The following BABAM2 variants were observed in gnomAD, a reference collection of about 807,000 sequenced individuals.
BABAM2 encodes the protein BRISC and BRCA1 A complex member 2, also known as BRISC and BRCA1-A complex member 2.
A neutral mutation model predicts 54.7 loss-of-function variants in BABAM2; 31 were observed. The ratio of observed to expected loss-of-function variants is 0.57; its 90% CI spans 0.43 to 0.77. The LOEUF is 0.77. Among genes scored for constraint, BABAM2 ranks in the 30% least tolerant of loss-of-function variants. The probability of loss-of-function intolerance (pLI) is 0.00; values close to 1 mark genes in which losing one functional copy is unlikely to be tolerated. For missense variants in BABAM2, 364 were observed against 455.8 expected, an observed-to-expected ratio of 0.80 and a Z score of 1.83; for synonymous variants, 167 against 162.9, an observed-to-expected ratio of 1.03 and a Z score of -0.19.
At chr2:28,125,632 T>C (rs1573631884) in intron 6 of BABAM2, among the ~76,000 whole-genome samples, 1 of 152,222 alleles carries the variant, frequency 6.6e-6, no homozygotes, top group South Asian at 2.1e-4. Context: ...CAAATTCTTT[T>C]GAAATGTAAA....
At chr2:28,255,150 G>GT (rs147889917) in intron 10 of BABAM2, among the ~76,000 whole-genome samples, 11,509 of 151,972 alleles carry the variant, frequency 0.076, 525 homozygotes, top group Middle Eastern at 0.099. Context: ...TCAAACGTGG[G>GT]TTTTTTTTAG....
chr2:27,904,718 T>C (rs1010717814), intron 2 of BABAM2, among the ~76,000 whole-genome samples: 2 of 152,196 alleles, frequency 1.3e-5, no homozygotes, highest in Non-Finnish European at 2.9e-5. Flanking sequence ...TTCATGAAAC[T>C]ATGACAATAT....
At chr2:27,897,522 C>G (rs1665430142) in intron 2 of BABAM2, among the ~76,000 whole-genome samples, 1 of 151,784 alleles carries the variant, frequency 6.6e-6, no homozygotes, top group African/African-American at 2.4e-5. Flanking sequence ...TGGAGTTGAT[C>G]AGAAGACAGT....
intron 6 of BABAM2, among the ~76,000 whole-genome samples, chr2:28,077,804 A>G (rs1424432893): frequency 2.0e-5 from 3 of 152,198 alleles, no homozygotes; most frequent in Non-Finnish European, 4.4e-5. Context: ...TAGAGTGACA[A>G]TATCTTGGAA....
At chr2:28,283,968 A>C (rs537141575) in intron 10 of BABAM2, among the ~76,000 whole-genome samples, 1 of 152,322 alleles carries the variant, frequency 6.6e-6, no homozygotes, top group African/African-American at 2.4e-5. Context: ...GTGAATATGC[A>C]TGCTTTTCTT....
intron 4 of BABAM2, among the ~76,000 whole-genome samples, chr2:27,994,678 C>T (rs1465722041): frequency 6.6e-6 from 1 of 152,188 alleles, no homozygotes; most frequent in Non-Finnish European, 1.5e-5. Context: ...TATGAGCATA[C>T]CACAGTTTAT....
At chr2:28,135,989 C>T (rs1009469556) in intron 7 of BABAM2, among the ~76,000 whole-genome samples, 17 of 152,150 alleles carry the variant, frequency 1.1e-4, no homozygotes, top group African/African-American at 3.9e-4. Context: ...TGTTGCCAAG[C>T]GAAGTAAATG....
chr2:28,050,781 G>A (rs745933726), intron 6 of BABAM2, among the ~76,000 whole-genome samples: 7 of 152,156 alleles, frequency 4.6e-5, no homozygotes, highest in Non-Finnish European at 1.0e-4. Context: ...CCAAGTTTGG[G>A]CATTAGCTAG....
chr2:28,005,508 A>G (rs112687596), intron 4 of BABAM2, among the ~76,000 whole-genome samples: 70 of 152,292 alleles, frequency 4.6e-4, no homozygotes, highest in African/African-American at 1.2e-3. Context: ...GCATTTTAAA[A>G]TGTTTGTAAC....
intron 6 of BABAM2, among the ~76,000 whole-genome samples, chr2:28,112,453 C>T (rs1348729088): frequency 1.2e-4 from 18 of 151,612 alleles, no homozygotes; most frequent in African/African-American, 3.4e-4. Flanking sequence ...TGAGAACATG[C>T]GGTGTTTGGT....
intron 6 of BABAM2, among the ~76,000 whole-genome samples, chr2:28,070,976 T>C (rs189665185): frequency 3.7e-4 from 57 of 152,270 alleles, no homozygotes; most frequent in Non-Finnish European, 7.1e-4. Flanking sequence ...CTGTGTAACC[T>C]TGGCAAGTTA....
chr2:28,010,314 TTCC>T (rs1414185014), intron 4 of BABAM2, among the ~76,000 whole-genome samples: 1 of 152,174 alleles, frequency 6.6e-6, no homozygotes, highest in Non-Finnish European at 1.5e-5. Flanking sequence ...GATTCTGTTT[TTCC>T]TCTTTTCCTT....
chr2:28,181,241 A>C (rs1440794265), intron 7 of BABAM2, among the ~76,000 whole-genome samples: 1 of 152,232 alleles, frequency 6.6e-6, no homozygotes, highest in Non-Finnish European at 1.5e-5. Flanking sequence ...GTGTCTATCA[A>C]AGGATGAATA....
chr2:28,198,027 A>G (rs889527677), intron 7 of BABAM2, among the ~76,000 whole-genome samples: 6 of 152,184 alleles, frequency 3.9e-5, no homozygotes, highest in Admixed American at 2.6e-4. Context: ...CCAAATTGCA[A>G]TAGCCTCCAT....
At chr2:27,897,691 A>G (rs989361184) in intron 2 of BABAM2, among the ~76,000 whole-genome samples, 1 of 152,084 alleles carries the variant, frequency 6.6e-6, no homozygotes, top group Non-Finnish European at 1.5e-5. Flanking sequence ...TTAGTCAAGC[A>G]GCAGGCCTGG....
At chr2:28,095,763 A>G (rs1666563726) in intron 6 of BABAM2, among the ~76,000 whole-genome samples, 1 of 152,156 alleles carries the variant, frequency 6.6e-6, no homozygotes, top group African/African-American at 2.4e-5. Context: ...AGAACAAAGG[A>G]CGTAATAATT....
intron 2 of BABAM2, among the ~76,000 whole-genome samples, chr2:27,923,849 G>A (rs911106623): frequency 1.3e-5 from 2 of 152,130 alleles, no homozygotes; most frequent in African/African-American, 4.8e-5. Flanking sequence ...GCATGTGCCT[G>A]TGGTCCCAGC....
intron 3 of BABAM2, among the ~76,000 whole-genome samples, chr2:27,972,417 G>A (rs1213883458): frequency 6.6e-6 from 1 of 152,192 alleles, no homozygotes; most frequent in Non-Finnish European, 1.5e-5. Context: ...ATGAGGCAGG[G>A]AGGACATTTT....
intron 7 of BABAM2, among the ~76,000 whole-genome samples, chr2:28,236,290 A>G (rs1490501201): frequency 6.6e-6 from 1 of 152,168 alleles, no homozygotes; most frequent in Non-Finnish European, 1.5e-5. Context: ...AAAGTTCTGA[A>G]CAATTTCTTT....
Sources: allele counts gnomAD v4.1 joint callset (sites outside exome capture counted in the v4.1 genomes callset), GRCh38; gene constraint gnomAD v4.1.1; transcripts MANE v1.5; gene names NCBI Gene and HGNC (gene_info 2026-07-23, HGNC 2026-07-21).